Variants in ECPAS observed in about 807,000 individuals in gnomAD.
The protein encoded by ECPAS is proteasome adapter and scaffold protein ECM29.
ECPAS carries 70 observed loss-of-function variants against 255.1 expected under a neutral mutation model. That is an observed-to-expected ratio of 0.27 (90% CI 0.23 to 0.33). ECPAS has a LOEUF of 0.33. Among genes scored for constraint, ECPAS ranks in the 10% least tolerant of loss-of-function variants. The pLI, the probability that ECPAS is intolerant of heterozygous loss-of-function variation, is 1.00. For missense variants in ECPAS, 1,817 were observed against 2,206.4 expected, an observed-to-expected ratio of 0.82 and a Z score of 3.54; for synonymous variants, 784 against 775.0, an observed-to-expected ratio of 1.01 and a Z score of -0.19.
At chr9:111,367,638 T>C (rs1433698453) in intron 46 of ECPAS, among the ~76,000 whole-genome samples, 1 of 152,158 alleles carries the variant, frequency 6.6e-6, no homozygotes, top group Non-Finnish European at 1.5e-5. Context: ...ACCCTTCCTA[T>C]AAACATAGCA....
chr9:111,484,328 G>T lies in ECPAS; in HGVS notation c.-295C>A. 6.2e-7 allele frequency: 1 copy of T among 1,600,694 alleles called. No individual in the cohort carries two copies. Among genetic ancestry groups the T allele is most frequent in the South Asian group, 1.1e-5 (1 of 89,346 alleles). ...CTTTTCCGAGGTCTGCGGCTGTCAC[G>T]TTGGCTGGGCCCGACCTGGGGAAAC... On this transcript the variant is annotated 5_prime_UTR_variant, in exon 1 of 50. Coordinates refer to ENST00000684092, the MANE Select transcript of ECPAS (RefSeq NM_001364929.1).
At position 111,407,183 on chromosome 9, in the gene ECPAS, C is replaced by G. The variant is rs528631897; in HGVS notation, c.2652+1388G>C. On this transcript the variant is annotated intron_variant, in intron 24 of 49. Transcript: ENST00000684092. ...TTGGGAGGCCGAGGTGGGCGGATCA[C>G]CTGAGGGCAGAAGTTCAAGACCAGC... is the stretch of plus-strand genomic sequence containing the variant. 7.4e-4 allele frequency among the ~76,000 whole-genome samples: 109 copies of G among 146,838 alleles called. 3 individuals carry two copies. The South Asian group carries it at 9.0e-3, about 12-fold the overall frequency.
rs1310596176 is a variant in ECPAS, at chr9:111,428,082, C to T, written c.1010G>A (p.Arg337His). 8.7e-6 allele frequency: 14 copies of T among 1,613,322 alleles called. No homozygotes were observed. Among genetic ancestry groups the T allele is most frequent in the African/African-American group, 1.3e-5 (1 of 74,870 alleles). The change falls in exon 10 of 50, where the codon CGC (arginine) becomes CAC (histidine). Residue 337 changes from arginine to histidine, a missense_variant. Transcript: ENST00000684092. ...GAACGTTTCAGCAGCTTGTCTAGAG[C>T]GGAGGAGATGGGGGACAATCTTTAA... ...VKLKIVPHLL[R>H]SRQAAETFPA...
In ECPAS at chr9:111,394,323, A is replaced by G. The variant is rs2098164562; in HGVS notation, c.2777-18T>C. 1 of 1,479,422 alleles carries G rather than the reference A, an allele frequency of 6.8e-7. No individual in the cohort carries two copies. Among genetic ancestry groups the G allele is most frequent in the Non-Finnish European group, 9.0e-7 (1 of 1,112,862 alleles). The allele number at this position is 1,479,422 out of a possible 1,614,324, so 91.6% of individuals were successfully genotyped here. ...TTTGGCTCCTGGGGAAAAGCAAAGA[A>G]AAATAACAAAGAATTAAAATAACTC... On this transcript the variant is annotated intron_variant, in intron 25 of 49. Coordinates refer to ENST00000684092, the MANE Select transcript of ECPAS (RefSeq NM_001364929.1).
chr9:111,483,882 G>A (rs1276951949), intron 1 of ECPAS: 4 of 539,290 alleles, frequency 7.4e-6, no homozygotes, highest in African/African-American at 4.1e-5. Context: ...AACTCACGCC[G>A]GTTTTATATT....
Position 111,364,774 on chromosome 9 carries a change from A to C in ECPAS, c.5309-1115T>G, listed in dbSNP as rs372624703. Among the ~76,000 whole-genome samples, 25 of 152,378 alleles carry C rather than the reference A, an allele frequency of 1.6e-4. No homozygotes were observed. The East Asian group carries it at 4.6e-3, about 28-fold the overall frequency. On this transcript the variant is annotated intron_variant, in intron 48 of 49. Coordinates refer to ENST00000684092, the MANE Select transcript of ECPAS (RefSeq NM_001364929.1). ...CAAAATTAACATCACAAATGATGACAGATGGACACTGTGTGCCTCTTAATG... is the reference window on the plus strand; with the variant it reads ...CAAAATTAACATCACAAATGATGACCGATGGACACTGTGTGCCTCTTAATG...
chr9:111,438,533 A>G (rs1348806709), intron 6 of ECPAS, among the ~76,000 whole-genome samples: 2 of 152,180 alleles, frequency 1.3e-5, no homozygotes, highest in African/African-American at 4.8e-5. Context: ...GCTTGAACCC[A>G]GGAGGTCAAG....
chr9:111,382,605 G>A (rs1037174942), intron 35 of ECPAS, among the ~76,000 whole-genome samples: 1 of 151,914 alleles, frequency 6.6e-6, no homozygotes, highest in African/African-American at 2.4e-5. Flanking sequence ...CTTTGCATTT[G>A]TTAGGTGAGT....
At chr9:111,451,916 T>C (rs1356082576) in intron 2 of ECPAS, among the ~76,000 whole-genome samples, 1 of 152,244 alleles carries the variant, frequency 6.6e-6, no homozygotes, top group African/African-American at 2.4e-5. Flanking sequence ...CATCAGTTAT[T>C]AGGGACAATA....
At position 111,436,978 on chromosome 9, in the gene ECPAS, T is replaced by A; in HGVS notation, c.670A>T (p.Ile224Phe). 2 of 1,612,782 alleles carry A rather than the reference T, an allele frequency of 1.2e-6. No individual in the cohort carries two copies. Among genetic ancestry groups the A allele is most frequent in the Non-Finnish European group, 1.7e-6 (2 of 1,179,418 alleles). Residue 224 changes from isoleucine (I) to phenylalanine (F), a missense_variant, in exon 7 of 50, where the codon ATT becomes TTT. Physicochemically the swap from Ile to Phe is conservative, Grantham distance 21. Coordinates refer to ENST00000684092, the MANE Select transcript of ECPAS (RefSeq NM_001364929.1). ...GMSFYAAKRV[I>F]GDNPWTPEQL... ...TCAGGTGTCCATGGGTTATCACCAA[T>A]AACTCGTTTGGCTGCATAAAAGCTC...
chr9:111,444,762 G>C lies in ECPAS; in HGVS notation c.154-268C>G, dbSNP rs369687568. 2.8e-4 allele frequency among the ~76,000 whole-genome samples: 43 copies of C among 152,270 alleles called. No individual in the cohort carries two copies. In the South Asian group the frequency reaches 8.9e-3, roughly 32 times the overall value. On this transcript the variant is annotated intron_variant, in intron 3 of 49. Coordinates refer to ENST00000684092, the MANE Select transcript of ECPAS (RefSeq NM_001364929.1). ...GTCTTGCTCTGTCGTGCAGGCTGGA[G>C]TGCATTGACACAATCTTGGCTCACT...
chr9:111,391,134 C>T (rs1054111007), intron 29 of ECPAS, among the ~76,000 whole-genome samples: 10 of 152,194 alleles, frequency 6.6e-5, no homozygotes, highest in Admixed American at 6.5e-4. Context: ...GGCTGGTATC[C>T]ACTGAAACGA....
At chr9:111,407,091 C>T (rs1220328288) in intron 24 of ECPAS, among the ~76,000 whole-genome samples, 5 of 145,930 alleles carry the variant, frequency 3.4e-5, no homozygotes, top group African/African-American at 1.1e-4. Flanking sequence ...AGAATCCAGA[C>T]GAGCCTTCAT....
At chr9:111,461,016 T>C (rs2098272469) in intron 2 of ECPAS, among the ~76,000 whole-genome samples, 1 of 149,848 alleles carries the variant, frequency 6.7e-6, no homozygotes, top group Non-Finnish European at 1.5e-5. Context: ...AATGAATGAG[T>C]GGATGAATAA....
At chr9:111,463,270 T>C (rs1204833696) in intron 2 of ECPAS, among the ~76,000 whole-genome samples, 5 of 152,204 alleles carry the variant, frequency 3.3e-5, no homozygotes, top group Non-Finnish European at 7.4e-5. Flanking sequence ...CCTTCTGTGG[T>C]GAAACTTCTG....
chr9:111,437,179 A>G, intron 6 of ECPAS, 71 bp from the exon 7 acceptor site: 1 of 1,226,054 alleles, frequency 8.2e-7, no homozygotes, highest in Non-Finnish European at 1.1e-6. Context: ...TATACAAAAC[A>G]TTCAATCATA....
At chr9:111,404,524 T>A (rs112985468) in intron 24 of ECPAS, among the ~76,000 whole-genome samples, 11 of 148,964 alleles carry the variant, frequency 7.4e-5, no homozygotes, top group Admixed American at 7.3e-4. Context: ...GGGGGTGGAC[T>A]TCCCCCTTAC....
At chr9:111,407,257 C>A (rs1158273293) in intron 24 of ECPAS, among the ~76,000 whole-genome samples, 1 of 146,758 alleles carries the variant, frequency 6.8e-6, no homozygotes, top group Non-Finnish European at 1.5e-5. Context: ...CAAATATTAG[C>A]CAGGTGTGGT....
chr9:111,452,392 C>T (rs1392138109), intron 2 of ECPAS, among the ~76,000 whole-genome samples: 1 of 151,952 alleles, frequency 6.6e-6, no homozygotes, highest in Admixed American at 6.6e-5. Context: ...TCAAACTCTA[C>T]ACTTTCATAC....
Sources: allele counts gnomAD v4.1 joint callset (sites outside exome capture counted in the v4.1 genomes callset), GRCh38; gene constraint gnomAD v4.1.1; transcripts MANE v1.5; gene names NCBI Gene and HGNC (gene_info 2026-07-23, HGNC 2026-07-21).